NGLY1: variants seen among roughly 807,000 people sequenced by gnomAD.
NGLY1 encodes peptide-N(4)-(N-acetyl-beta-glucosaminyl)asparagine amidase.
Under a neutral mutation model 84.6 loss-of-function variants are expected in NGLY1, and 68 were observed. The observed-to-expected ratio is 0.80, with a 90% CI of 0.66 to 0.98. NGLY1 has a LOEUF of 0.98. NGLY1 is among the 50% of genes least tolerant of loss of function. The pLI is 0.00. For missense variants in NGLY1, 779 were observed against 770.2 expected, an observed-to-expected ratio of 1.01 and a Z score of -0.14; for synonymous variants, 280 against 275.2, an observed-to-expected ratio of 1.02 and a Z score of -0.17.
At chr3:25,768,718 TG>T (rs1707742620) in intron 2 of NGLY1, among the ~76,000 whole-genome samples, 1 of 151,840 alleles carries the variant, frequency 6.6e-6, no homozygotes, top group South Asian at 2.1e-4. Context: ...GCTAATTTTT[TG>T]TATTTTTAGT....
chr3:25,728,899 G>T (rs530946482), intron 10 of NGLY1, among the ~76,000 whole-genome samples: 1 of 152,108 alleles, frequency 6.6e-6, no homozygotes, highest in East Asian at 1.9e-4. Flanking sequence ...TCCCATGAAA[G>T]AATTAAATTC....
chr3:25,772,404 C>A (rs144215958), intron 2 of NGLY1, among the ~76,000 whole-genome samples: 1 of 152,160 alleles, frequency 6.6e-6, no homozygotes, highest in African/African-American at 2.4e-5. Flanking sequence ...ATAATGCCCC[C>A]CTTTGTCTTT....
intron 2 of NGLY1, among the ~76,000 whole-genome samples, chr3:25,768,561 C>CTTTT (rs752193155): frequency 6.9e-5 from 8 of 116,348 alleles, no homozygotes; most frequent in Non-Finnish European, 7.2e-5. Context: ...ATAAGTAAGA[C>CTTTT]TTTTTTTTTT....
rs1203724267 is a variant in NGLY1, at chr3:25,729,160, G to T, written c.1584C>A (p.Phe528Leu). Reference sequence around the variant, plus strand: ...TGTGCCAGTCTGTTTCAACTTTTCTGAATATAGATTCCATTTTCCACACGC... The same window carrying T: ...TGTGCCAGTCTGTTTCAACTTTTCTTAATATAGATTCCATTTTCCACACGC... ...ENGVWKMESI[F>L]RKVETDWHMV... is the part of the protein sequence containing the mutation. Residue 528 changes from phenylalanine to leucine, a missense_variant, in exon 10 of 12, where the codon TTC becomes TTA. Coordinates refer to ENST00000280700, the MANE Select transcript of NGLY1 (RefSeq NM_018297.4). 6.5e-7 allele frequency: 1 copy of T among 1,531,686 alleles called. No homozygotes were observed. The allele number at this position is 1,531,686 out of a possible 1,614,324, so 94.9% of individuals were successfully genotyped here.
chr3:25,751,326 TA>T (rs756942151), intron 3 of NGLY1, 63 bp from the exon 4 acceptor site: 97 of 1,306,144 alleles, frequency 7.4e-5, no homozygotes, highest in Non-Finnish European at 9.5e-5. Context: ...TAATATATAA[TA>T]AAAAAACTGT....
rs755726101 is a variant in NGLY1, at chr3:25,720,078, A to C, written c.1725T>G (p.Thr575=). 2 of 1,613,926 alleles carry C rather than the reference A, an allele frequency of 1.2e-6. No homozygotes were observed. The highest frequency in any genetic ancestry group is 2.2e-5 in the South Asian group (2 of 91,068). Residue 575 remains threonine, a synonymous_variant, in exon 11 of 12, where the codon ACT becomes ACG. Coordinates refer to ENST00000280700, the MANE Select transcript of NGLY1 (RefSeq NM_018297.4). ...TCCATTCTACTGTTCCAGTCTGAAA[A>C]GTTTGACTACTTGTTCTAATAGAAA... ...DSISIRTSSQ[T]FQTGTVEWKL... is the part of the protein sequence containing the mutation.
At chr3:25,744,393 C>T (rs2125497121) in intron 4 of NGLY1, among the ~76,000 whole-genome samples, 1 of 152,312 alleles carries the variant, frequency 6.6e-6, no homozygotes, top group Admixed American at 6.5e-5. Context: ...TTTGGCAGTG[C>T]CACAAGGTCC....
chr3:25,785,135 C>CAAAAA (rs1159268520), upstream of NGLY1, among the ~76,000 whole-genome samples: 7 of 76,942 alleles, frequency 9.1e-5, no homozygotes, highest in Admixed American at 3.0e-4. Context: ...CCTGCTTGGA[C>CAAAAA]AAAAAAAAAA....
chr3:25,731,982 C>T (rs1048322286), intron 9 of NGLY1, among the ~76,000 whole-genome samples: 1 of 151,860 alleles, frequency 6.6e-6, no homozygotes, highest in East Asian at 1.9e-4. Context: ...TTCTGGTTGG[C>T]GATTACATGG....
chr3:25,768,422 T>TA (rs71087723), intron 2 of NGLY1, among the ~76,000 whole-genome samples: 74 of 134,446 alleles, frequency 5.5e-4, no homozygotes, highest in Middle Eastern at 3.8e-3. Flanking sequence ...AAACTCCATC[T>TA]AAAAAAAAAA....
chr3:25,784,887 T>C (rs1708568068), upstream of NGLY1, among the ~76,000 whole-genome samples: 1 of 152,202 alleles, frequency 6.6e-6, no homozygotes, highest in African/African-American at 2.4e-5. Context: ...CTGGCTCATA[T>C]AACACTTTAA....
upstream of NGLY1, among the ~76,000 whole-genome samples, chr3:25,785,310 A>G (rs568266245): frequency 1.7e-4 from 26 of 152,216 alleles, no homozygotes; most frequent in African/African-American, 6.3e-4. Context: ...TTAAAAACAC[A>G]TAAAAAGATA....
At chr3:25,765,732 C>G (rs1707531305) in intron 2 of NGLY1, among the ~76,000 whole-genome samples, 1 of 152,080 alleles carries the variant, frequency 6.6e-6, no homozygotes, top group Non-Finnish European at 1.5e-5. Flanking sequence ...GTTCTAAGTA[C>G]TGTGCTAGGC....
At chr3:25,762,286 A>C (rs1349766198) in intron 3 of NGLY1, among the ~76,000 whole-genome samples, 2 of 152,204 alleles carry the variant, frequency 1.3e-5, no homozygotes, top group African/African-American at 4.8e-5. Context: ...AAAATGGGCA[A>C]GGTAGAAGAA....
chr3:25,719,472 G>A lies in NGLY1; in HGVS notation c.1953C>T (p.Phe651=), dbSNP rs775279899. ...EENCLEIIIK[F]SDL ...AATGTTCAGGTTCTCAAAGGTCACTGAATTTTATAATTATCTCCAAACAAT... is the reference window on the plus strand; with the variant it reads ...AATGTTCAGGTTCTCAAAGGTCACTAAATTTTATAATTATCTCCAAACAAT... The change falls in exon 12 of 12, where the codon TTC becomes TTT. Residue 651 remains phenylalanine, a synonymous_variant. Coordinates refer to ENST00000280700, the MANE Select transcript of NGLY1 (RefSeq NM_018297.4). 8 of 1,613,368 alleles carry A rather than the reference G, an allele frequency of 5.0e-6. No homozygotes were observed. The Admixed American group carries it at 5.0e-5, about 10-fold the overall frequency.
At chr3:25,755,918 G>A (rs189909100) in intron 3 of NGLY1, among the ~76,000 whole-genome samples, 171 of 152,238 alleles carry the variant, frequency 1.1e-3, no homozygotes, top group Non-Finnish European at 1.7e-3. Flanking sequence ...TGGCAATTCT[G>A]TTTTTGAGAC....
At chr3:25,757,677 G>C (rs1357138261) in intron 3 of NGLY1, among the ~76,000 whole-genome samples, 2 of 152,186 alleles carry the variant, frequency 1.3e-5, no homozygotes, top group African/African-American at 4.8e-5. Context: ...AAGAGACTGA[G>C]TCATACAAGT....
At chr3:25,723,077 C>T (rs950945983) in intron 10 of NGLY1, among the ~76,000 whole-genome samples, 1 of 152,140 alleles carries the variant, frequency 6.6e-6, no homozygotes, top group Non-Finnish European at 1.5e-5. Context: ...AAATGTCCCT[C>T]AAAAGTGTGG....
At chr3:25,726,180 T>C (rs1332963397) in intron 10 of NGLY1, among the ~76,000 whole-genome samples, 2 of 151,972 alleles carry the variant, frequency 1.3e-5, no homozygotes, top group Non-Finnish European at 1.5e-5. Flanking sequence ...AAAGTGAGGT[T>C]CTTACAGTGC....
Sources: allele counts gnomAD v4.1 joint callset (sites outside exome capture counted in the v4.1 genomes callset), GRCh38; gene constraint gnomAD v4.1.1; transcripts MANE v1.5; gene names NCBI Gene and HGNC (gene_info 2026-07-23, HGNC 2026-07-21).